The following CPVL variants were observed in gnomAD, a reference collection of about 807,000 sequenced individuals.
CPVL encodes carboxypeptidase vitellogenic like.
In CPVL, 51 loss-of-function variants were observed where a neutral mutation model predicts 63.7. The ratio of observed to expected loss-of-function variants is 0.80; its 90% CI spans 0.64 to 1.01. CPVL has a LOEUF of 1.01. CPVL is among the 50% of genes least tolerant of loss of function. The pLI, the probability that CPVL is intolerant of heterozygous loss-of-function variation, is 0.00. For synonymous variants in CPVL, 195 were observed against 206.0 expected (o/e 0.95, Z 0.46); for missense variants, 530 against 573.1 (o/e 0.92, Z 0.77).
chr7:29,051,523 A>T (rs1297234054), intron 11 of CPVL, among the ~76,000 whole-genome samples: 1 of 152,244 alleles, frequency 6.6e-6, no homozygotes, highest in Admixed American at 6.5e-5. Context: ...GATTATGGAA[A>T]TGCAAATTAA....
chr7:29,157,697 G>A (rs1191377934), intron 5 of CPVL, among the ~76,000 whole-genome samples: 10 of 152,156 alleles, frequency 6.6e-5, no homozygotes, highest in Admixed American at 6.5e-4. Flanking sequence ...CCAGTGAAAA[G>A]CCACTCAATG....
intron 11 of CPVL, among the ~76,000 whole-genome samples, chr7:29,062,797 G>A (rs952378588): frequency 3.9e-5 from 6 of 152,190 alleles, no homozygotes; most frequent in Non-Finnish European, 8.8e-5. Flanking sequence ...GACAATTTCT[G>A]AAAGATCGAA....
intron 5 of CPVL, among the ~76,000 whole-genome samples, chr7:29,177,175 T>G (rs1202992477): frequency 6.6e-6 from 1 of 152,204 alleles, no homozygotes; most frequent in Non-Finnish European, 1.5e-5. Context: ...ATCTTCAGAT[T>G]GCTTAAAGTA....
Position 29,162,468 on chromosome 7 carries a change from T to A in CPVL, c.-11+18822A>T, listed in dbSNP as rs112920306. On this transcript the variant is annotated intron_variant, in intron 5 of 16. Transcript: ENST00000409850. ...CCTGAGGTCGGGAGTTCAAGACCAG[T>A]CTGACCAACATGGAGAAGCCCCATC... Among the ~76,000 whole-genome samples the A allele has an allele frequency of 6.9e-3, 1,047 of 152,000 alleles. 19 individuals carry two copies. Among genetic ancestry groups the A allele is most frequent in the African/African-American group, 0.024 (996 of 41,496 alleles).
chr7:29,138,282 A>G (rs1791454245), intron 1 of CPVL, among the ~76,000 whole-genome samples: 1 of 152,164 alleles, frequency 6.6e-6, no homozygotes. Flanking sequence ...CTACAAAAAA[A>G]TACAAAAATT....
intron 12 of CPVL, among the ~76,000 whole-genome samples, chr7:29,020,898 G>A (rs761188881): frequency 1.3e-5 from 2 of 152,188 alleles, no homozygotes; most frequent in Non-Finnish European, 2.9e-5. Context: ...GTTACAGGCC[G>A]AGCGTGGTGG....
chr7:29,096,303 T>C, intron 3 of CPVL, 86 bp from the exon 4 acceptor site: 1 of 1,060,284 alleles, frequency 9.4e-7, no homozygotes, highest in Middle Eastern at 2.0e-4. Context: ...CCAAATCCTC[T>C]CTGTGTTACA....
At chr7:29,114,105 A>AT (rs1296495074) in intron 2 of CPVL, among the ~76,000 whole-genome samples, 38 of 152,178 alleles carry the variant, frequency 2.5e-4, no homozygotes, top group Non-Finnish European at 4.4e-5. Flanking sequence ...ATTCAGAGAC[A>AT]TTGACAGGAT....
At chr7:29,082,419 C>G (rs1784821524) in intron 7 of CPVL, 1 of 152,194 alleles carries the variant, frequency 6.6e-6, no homozygotes, top group South Asian at 2.1e-4. Context: ...AATGATTAAT[C>G]CAGAACGCCT....
chr7:29,096,312 C>G, intron 3 of CPVL, 95 bp from the exon 4 acceptor site: 1 of 975,460 alleles, frequency 1.0e-6, no homozygotes, highest in Non-Finnish European at 1.6e-6. Flanking sequence ...CTCTGTGTTA[C>G]AGGGCTGTGA....
intron 6 of CPVL, among the ~76,000 whole-genome samples, chr7:29,091,368 C>T (rs967218260): frequency 2.6e-5 from 4 of 151,332 alleles, no homozygotes; most frequent in Admixed American, 1.3e-4. Flanking sequence ...GCTAGTTAAC[C>T]ACTGAGCTTG....
chr7:29,184,151 TGATAGATAGATAGATA>T (rs56102038), intron 4 of CPVL, among the ~76,000 whole-genome samples: 393 of 143,384 alleles, frequency 2.7e-3, no homozygotes, highest in Middle Eastern at 7.1e-3. Context: ...TACAGATAGA[TGATAGATAGATAGATA>T]GATAGATAGA....
intron 5 of CPVL, among the ~76,000 whole-genome samples, chr7:29,178,381 T>A (rs1797631352): frequency 6.6e-6 from 1 of 152,192 alleles, no homozygotes. Context: ...CTGGTCTTCC[T>A]CTGCGTGCGG....
At chr7:29,106,979 G>A (rs73087002) in intron 3 of CPVL, among the ~76,000 whole-genome samples, 21,586 of 152,194 alleles carry the variant, frequency 0.14, 1,851 homozygotes, top group Admixed American at 0.19. Flanking sequence ...GAATCAGCCA[G>A]AGCTGCAGTC....
At chr7:29,028,428 T>A (rs1222480951) in intron 12 of CPVL, among the ~76,000 whole-genome samples, 1 of 152,116 alleles carries the variant, frequency 6.6e-6, no homozygotes, top group East Asian at 1.9e-4. Flanking sequence ...GACACTGGTG[T>A]AGGTAAAGCT....
At chr7:29,074,858 C>A (rs1351134109) in intron 7 of CPVL, among the ~76,000 whole-genome samples, 1 of 151,194 alleles carries the variant, frequency 6.6e-6, no homozygotes, top group Non-Finnish European at 1.5e-5. Flanking sequence ...GTCACAATTT[C>A]TTTCAAAACT....
intron 2 of CPVL, among the ~76,000 whole-genome samples, chr7:29,120,565 T>C (rs1456730533): frequency 2.0e-5 from 3 of 152,116 alleles, no homozygotes; most frequent in Admixed American, 2.0e-4. Context: ...GGCTCACAGC[T>C]GTAATCCCAG....
chr7:29,176,202 A>G (rs1048349729), intron 5 of CPVL, among the ~76,000 whole-genome samples: 1 of 151,746 alleles, frequency 6.6e-6, no homozygotes, highest in African/African-American at 2.4e-5. Flanking sequence ...AAAAAAACAG[A>G]TAAAAGAAAA....
At chr7:29,026,995 G>A (rs1044307609) in intron 12 of CPVL, among the ~76,000 whole-genome samples, 1 of 151,864 alleles carries the variant, frequency 6.6e-6, no homozygotes, top group African/African-American at 2.4e-5. Context: ...ATTCTACAAG[G>A]CTATCATCCT....
Sources: allele counts gnomAD v4.1 joint callset (sites outside exome capture counted in the v4.1 genomes callset), GRCh38; gene constraint gnomAD v4.1.1; transcripts MANE v1.5; gene names NCBI Gene and HGNC (gene_info 2026-07-23, HGNC 2026-07-21).